The following CCDC178 variants were observed in gnomAD, a reference collection of about 807,000 sequenced individuals.
The protein encoded by CCDC178 is coiled-coil domain-containing protein 178.
CCDC178 carries 126 observed loss-of-function variants against 117.4 expected under a neutral mutation model. That is an observed-to-expected ratio of 1.07 (90% CI 0.93 to 1.24). The LOEUF is 1.24. Among genes scored for constraint, CCDC178 ranks in the 50% most tolerant of loss-of-function variants. CCDC178 has a pLI of 0.00. For synonymous variants in CCDC178, 283 were observed against 313.4 expected (o/e 0.90, Z 1.02); for missense variants, 1,030 against 986.9 (o/e 1.04, Z -0.59).
intron 21 of CCDC178, among the ~76,000 whole-genome samples, chr18:32,990,345 G>A (rs972280325): frequency 2.0e-5 from 3 of 152,052 alleles, no homozygotes; most frequent in Admixed American, 2.0e-4. Flanking sequence ...TTTGCCCTGC[G>A]ATATATCAAA....
At chr18:33,376,608 C>T (rs1339767440) in intron 5 of CCDC178, among the ~76,000 whole-genome samples, 2 of 152,088 alleles carry the variant, frequency 1.3e-5, no homozygotes, top group Non-Finnish European at 2.9e-5. Context: ...CTCCCTCTCT[C>T]CTCCCTATAG....
intron 12 of CCDC178, among the ~76,000 whole-genome samples, chr18:33,278,985 C>T (rs1158391115): frequency 6.6e-6 from 1 of 152,020 alleles, no homozygotes; most frequent in African/African-American, 2.4e-5. Flanking sequence ...ATGACAAACC[C>T]ACAGCCAATA....
intron 3 of CCDC178, 135 bp from the exon 4 acceptor site, chr18:33,397,343 A>C (rs1438802509): frequency 4.0e-6 from 2 of 498,692 alleles, no homozygotes; most frequent in Non-Finnish European, 7.0e-6. Flanking sequence ...TACATAAGAA[A>C]GGGCTGAAGG....
intron 21 of CCDC178, among the ~76,000 whole-genome samples, chr18:33,079,064 G>C (rs2057256871): frequency 6.6e-6 from 1 of 152,066 alleles, no homozygotes; most frequent in Non-Finnish European, 1.5e-5. Flanking sequence ...GAATGGTATT[G>C]GTACAAAAAC....
At chr18:33,126,715 G>A (rs1300603495) in intron 20 of CCDC178, among the ~76,000 whole-genome samples, 2 of 151,916 alleles carry the variant, frequency 1.3e-5, no homozygotes, top group African/African-American at 4.8e-5. Flanking sequence ...CTGCAGTGCA[G>A]TGGCGCCATC....
At chr18:33,265,625 G>A (rs1267410610) in intron 14 of CCDC178, among the ~76,000 whole-genome samples, 1 of 151,980 alleles carries the variant, frequency 6.6e-6, no homozygotes, top group Non-Finnish European at 1.5e-5. Flanking sequence ...TAATAAGGGT[G>A]AACTGGGAAG....
At chr18:33,250,608 G>A (rs898530356) in intron 14 of CCDC178, among the ~76,000 whole-genome samples, 1 of 151,644 alleles carries the variant, frequency 6.6e-6, no homozygotes, top group Non-Finnish European at 1.5e-5. Context: ...TTAAGTCAAT[G>A]TCTCTGACTA....
Position 33,195,677 on chromosome 18 carries a change from T to C in CCDC178, c.2238+16219A>G, listed in dbSNP as rs1252256574. Among the ~76,000 whole-genome samples, 3 of 152,212 alleles carry C rather than the reference T, an allele frequency of 2.0e-5. No homozygotes were observed. In the South Asian group the frequency reaches 6.2e-4, roughly 31 times the overall value. ...ATTGAACAGTATCTTGAATAGTTTA[T>C]CTCCTAAAAGTCAGGTATCTGCTAT... On this transcript the variant is annotated intron_variant, in intron 20 of 22. Coordinates refer to ENST00000383096, the MANE Select transcript of CCDC178 (RefSeq NM_001105528.4).
At chr18:33,119,026 C>T (rs1598902191) in intron 20 of CCDC178, among the ~76,000 whole-genome samples, 1 of 152,074 alleles carries the variant, frequency 6.6e-6, no homozygotes, top group Non-Finnish European at 1.5e-5. Context: ...ACACCTTATA[C>T]AAAAATTAAT....
intron 20 of CCDC178, among the ~76,000 whole-genome samples, chr18:33,126,633 T>A (rs1444034311): frequency 6.6e-6 from 1 of 151,730 alleles, no homozygotes; most frequent in African/African-American, 2.4e-5. Context: ...GGTTTTCATG[T>A]CTTGCAAGTA....
At chr18:33,137,604 C>T (rs538335571) in intron 20 of CCDC178, among the ~76,000 whole-genome samples, 1 of 152,186 alleles carries the variant, frequency 6.6e-6, no homozygotes, top group Admixed American at 6.5e-5. Context: ...CATTATAAGC[C>T]CATCTAGAAA....
chr18:33,439,485 G>C (rs8090299), intron 2 of CCDC178, among the ~76,000 whole-genome samples: 1 of 152,096 alleles, frequency 6.6e-6, no homozygotes, highest in African/African-American at 2.4e-5. Flanking sequence ...CTTTATGACT[G>C]CAACAGTAAA....
chr18:33,303,872 AAGTCTG>A (rs1235640827), intron 11 of CCDC178, among the ~76,000 whole-genome samples: 1 of 152,158 alleles, frequency 6.6e-6, no homozygotes, highest in Non-Finnish European at 1.5e-5. Flanking sequence ...TCTTGAGTGT[AAGTCTG>A]CCCCAGAGTA....
chr18:33,354,973 T>C (rs2063034206), intron 7 of CCDC178, among the ~76,000 whole-genome samples: 1 of 152,184 alleles, frequency 6.6e-6, no homozygotes. Flanking sequence ...TGTTGAAACA[T>C]CACTTTTCTG....
At chr18:33,317,420 C>T (rs2062435258) in intron 11 of CCDC178, among the ~76,000 whole-genome samples, 1 of 152,194 alleles carries the variant, frequency 6.6e-6, no homozygotes, top group Admixed American at 6.5e-5. Flanking sequence ...TCTGGACACG[C>T]CGCCTTTAAG....
intron 12 of CCDC178, among the ~76,000 whole-genome samples, chr18:33,279,468 G>C (rs1422508138): frequency 3.9e-5 from 6 of 152,150 alleles, no homozygotes; most frequent in Non-Finnish European, 8.8e-5. Flanking sequence ...CAAACAAATG[G>C]AAGAACATTC....
At chr18:32,983,385 G>C in intron 21 of CCDC178, 1 of 1,344,756 alleles carries the variant, frequency 7.4e-7, no homozygotes, top group Non-Finnish European at 1.0e-6. Flanking sequence ...TATTACAAAT[G>C]AAGCCATTTC....
At chr18:33,071,134 G>A (rs2057101450) in intron 21 of CCDC178, among the ~76,000 whole-genome samples, 2 of 152,038 alleles carry the variant, frequency 1.3e-5, no homozygotes, top group South Asian at 4.1e-4. Context: ...AAACAGGCTG[G>A]AGTTAAATGA....
chr18:33,101,177 CAT>C (rs1472602533), intron 20 of CCDC178, among the ~76,000 whole-genome samples: 2 of 151,386 alleles, frequency 1.3e-5, no homozygotes, highest in Non-Finnish European at 3.0e-5. Flanking sequence ...GTGTTAGAAA[CAT>C]ATTTGATGTT....
Sources: gnomAD v4.1 joint callset for allele counts (sites outside exome capture counted in the v4.1 genomes callset) on GRCh38, gnomAD v4.1.1 for gene constraint, MANE v1.5 for transcripts, NCBI Gene and HGNC (gene_info 2026-07-23, HGNC 2026-07-21) for gene names.